LUZP2: variants seen among roughly 807,000 people sequenced by gnomAD.
LUZP2 encodes the protein leucine zipper protein 2.
LUZP2 carries 52 observed loss-of-function variants against 51.6 expected under a neutral mutation model. That is an observed-to-expected ratio of 1.01 (90% CI 0.81 to 1.27). LUZP2 has a LOEUF of 1.27. Ranked by LOEUF, LUZP2 falls within the 50% of genes most tolerant of loss-of-function variation. LUZP2 has a pLI of 0.00. For missense variants in LUZP2, 436 were observed against 395.4 expected, an observed-to-expected ratio of 1.10 and a Z score of -0.87; for synonymous variants, 154 against 137.3, an observed-to-expected ratio of 1.12 and a Z score of -0.85.
chr11:24,603,319 C>T (rs1853808838), intron 1 of LUZP2, among the ~76,000 whole-genome samples: 1 of 151,786 alleles, frequency 6.6e-6, no homozygotes, highest in Non-Finnish European at 1.5e-5. Flanking sequence ...AAAGGCTCAG[C>T]TTGACTCATC....
At chr11:24,797,593 A>C (rs1469534664) in intron 5 of LUZP2, among the ~76,000 whole-genome samples, 1 of 152,240 alleles carries the variant, frequency 6.6e-6, no homozygotes, top group East Asian at 1.9e-4. Context: ...CTGGTGATAA[A>C]CCTGCCAGTA....
intron 1 of LUZP2, among the ~76,000 whole-genome samples, chr11:24,559,878 A>G (rs1851979574): frequency 6.6e-6 from 1 of 152,162 alleles, no homozygotes; most frequent in Non-Finnish European, 1.5e-5. Flanking sequence ...AATGAAACAC[A>G]GTAGTTGTCT....
chr11:24,683,530 T>G (rs866239146), intron 1 of LUZP2, among the ~76,000 whole-genome samples: 1 of 152,354 alleles, frequency 6.6e-6, no homozygotes, highest in Middle Eastern at 3.4e-3. Flanking sequence ...ATTCTTAAAT[T>G]TGCATAATTT....
In LUZP2 at chr11:24,857,290, C is replaced by CATAT. The variant is rs34461857; in HGVS notation, c.397-48691_397-48688dup. 8.9e-3 allele frequency among the ~76,000 whole-genome samples: 1,043 copies of CATAT among 117,818 alleles called. 5 individuals carry two copies. Among genetic ancestry groups the CATAT allele is most frequent in the Middle Eastern group, 0.061 (14 of 230 alleles). The allele number at this position is 117,818 out of a possible 152,430, so 77.3% of individuals were successfully genotyped here. On this transcript the variant is annotated intron_variant, in intron 5 of 11. Transcript: ENST00000336930. ...TCATGGGGATATATATATATATATA[C>CATAT]ATATATATATATACATATATATACA...
chr11:24,742,053 ATAAT>A (rs1565111269), intron 4 of LUZP2, among the ~76,000 whole-genome samples: 3 of 108,544 alleles, frequency 2.8e-5, no homozygotes, highest in African/African-American at 1.0e-4. Flanking sequence ...AAAAATAAAT[ATAAT>A]TATATATATA....
intron 5 of LUZP2, among the ~76,000 whole-genome samples, chr11:24,764,596 C>T (rs1289352245): frequency 6.6e-6 from 1 of 151,288 alleles, no homozygotes; most frequent in Middle Eastern, 3.4e-3. Flanking sequence ...CCTGAGAGGT[C>T]GAGGTTGCAG....
At chr11:24,712,564 T>C (rs1857875932) in intron 1 of LUZP2, among the ~76,000 whole-genome samples, 1 of 152,290 alleles carries the variant, frequency 6.6e-6, no homozygotes, top group African/African-American at 2.4e-5. Flanking sequence ...CACTTAGATA[T>C]GCCCTGGGTG....
intron 7 of LUZP2, among the ~76,000 whole-genome samples, chr11:24,964,070 T>C (rs1371868303): frequency 6.6e-6 from 1 of 152,220 alleles, no homozygotes; most frequent in Non-Finnish European, 1.5e-5. Context: ...TTCAGTGTTT[T>C]GAGAAACCTC....
At chr11:24,943,188 T>C (rs970760664) in intron 7 of LUZP2, among the ~76,000 whole-genome samples, 1 of 152,176 alleles carries the variant, frequency 6.6e-6, no homozygotes, top group Non-Finnish European at 1.5e-5. Context: ...AAATTAATTC[T>C]GGGTTTGCCG....
intron 1 of LUZP2, among the ~76,000 whole-genome samples, chr11:24,518,350 T>A (rs186415512): frequency 6.6e-6 from 1 of 152,244 alleles, no homozygotes; most frequent in South Asian, 2.1e-4. Flanking sequence ...TTGTTAAAGA[T>A]CTTTGATTAT....
chr11:24,936,398 T>A (rs1406888246), intron 7 of LUZP2, among the ~76,000 whole-genome samples: 2 of 152,198 alleles, frequency 1.3e-5, no homozygotes, highest in Non-Finnish European at 2.9e-5. Flanking sequence ...TATATAAAGT[T>A]TCAAGGACTT....
chr11:25,034,780 A>C (rs1263911420), intron 9 of LUZP2, among the ~76,000 whole-genome samples: 1 of 152,064 alleles, frequency 6.6e-6, no homozygotes, highest in Non-Finnish European at 1.5e-5. Flanking sequence ...ATTGGTCTAC[A>C]TGTCTGTTTT....
At chr11:24,560,927 G>C (rs1252807087) in intron 1 of LUZP2, among the ~76,000 whole-genome samples, 1 of 152,144 alleles carries the variant, frequency 6.6e-6, no homozygotes, top group East Asian at 1.9e-4. Flanking sequence ...AAACTGGTAA[G>C]AGTATTCCCT....
At chr11:24,625,393 A>G (rs1468441439) in intron 1 of LUZP2, among the ~76,000 whole-genome samples, 1 of 151,744 alleles carries the variant, frequency 6.6e-6, no homozygotes, top group African/African-American at 2.4e-5. Flanking sequence ...GGAAGGTAGG[A>G]AAAAAAAGCA....
chr11:24,861,580 G>A (rs1851742614), intron 5 of LUZP2, among the ~76,000 whole-genome samples: 1 of 152,154 alleles, frequency 6.6e-6, no homozygotes, highest in African/African-American at 2.4e-5. Flanking sequence ...CACCCGGGCT[G>A]AGCAACAGAT....
chr11:24,668,562 T>C (rs1856293100), intron 1 of LUZP2, among the ~76,000 whole-genome samples: 1 of 152,152 alleles, frequency 6.6e-6, no homozygotes, highest in Non-Finnish European at 1.5e-5. Context: ...ATTGGGACCA[T>C]GTATCCATCA....
At chr11:24,921,766 A>G (rs1326130469) in intron 7 of LUZP2, among the ~76,000 whole-genome samples, 3 of 152,178 alleles carry the variant, frequency 2.0e-5, no homozygotes, top group Non-Finnish European at 1.5e-5. Flanking sequence ...CATTTTAAAT[A>G]TGAGATTTGA....
chr11:24,595,281 T>A (rs1853404324), intron 1 of LUZP2, among the ~76,000 whole-genome samples: 1 of 151,978 alleles, frequency 6.6e-6, no homozygotes, highest in Middle Eastern at 3.5e-3. Flanking sequence ...AGTATCAACA[T>A]TAAGTATATT....
At chr11:24,874,276 C>A (rs1302158666) in intron 5 of LUZP2, among the ~76,000 whole-genome samples, 1 of 152,098 alleles carries the variant, frequency 6.6e-6, no homozygotes, top group African/African-American at 2.4e-5. Flanking sequence ...CTGTCAGGTT[C>A]CAACCTGAGC....
Sources: gnomAD v4.1 joint callset for allele counts (sites outside exome capture counted in the v4.1 genomes callset) on GRCh38, gnomAD v4.1.1 for gene constraint, MANE v1.5 for transcripts, NCBI Gene and HGNC (gene_info 2026-07-23, HGNC 2026-07-21) for gene names.